The following MDGA2 variants were observed in gnomAD, a reference collection of about 807,000 sequenced individuals.
MDGA2 encodes the protein MAM domain containing glycosylphosphatidylinositol anchor 2.
MDGA2 carries 40 observed loss-of-function variants against 117.8 expected under a neutral mutation model. That is an observed-to-expected ratio of 0.34 (90% CI 0.26 to 0.44). The LOEUF (loss-of-function observed/expected upper bound fraction) is 0.44. Among genes scored for constraint, MDGA2 ranks in the 20% least tolerant of loss-of-function variants. The probability of loss-of-function intolerance (pLI) is 1.00; values close to 1 mark genes in which losing one functional copy is unlikely to be tolerated. For synonymous variants in MDGA2, 452 were observed against 439.0 expected (o/e 1.03, Z -0.37); for missense variants, 1,123 against 1,250.6 (o/e 0.90, Z 1.54).
intron 8 of MDGA2, among the ~76,000 whole-genome samples, chr14:46,973,903 ATT>A (rs35314692): frequency 1.8e-3 from 257 of 145,160 alleles, no homozygotes; most frequent in Middle Eastern, 3.5e-3. Flanking sequence ...AATTATTGTT[ATT>A]TTTTTTTTTT....
chr14:47,402,106 A>G (rs577257076), intron 1 of MDGA2, among the ~76,000 whole-genome samples: 3 of 152,278 alleles, frequency 2.0e-5, no homozygotes, highest in Non-Finnish European at 4.4e-5. Flanking sequence ...TCATTCACCA[A>G]ATTAAATTTT....
At chr14:47,441,930 A>G (rs1361122142) in intron 1 of MDGA2, among the ~76,000 whole-genome samples, 1 of 152,144 alleles carries the variant, frequency 6.6e-6, no homozygotes, top group Admixed American at 6.6e-5. Flanking sequence ...AACAGAACAA[A>G]TATTTTCCTA....
chr14:47,143,016 T>A (rs183679747), intron 4 of MDGA2, among the ~76,000 whole-genome samples: 1 of 152,202 alleles, frequency 6.6e-6, no homozygotes, highest in Non-Finnish European at 1.5e-5. Flanking sequence ...CCACAGTTAA[T>A]GTCTAAATAT....
chr14:47,354,468 T>TA (rs1566751707), intron 1 of MDGA2, among the ~76,000 whole-genome samples: 1 of 152,076 alleles, frequency 6.6e-6, no homozygotes, highest in Non-Finnish European at 1.5e-5. Flanking sequence ...CCAAACATGC[T>TA]AAAAACCCCA....
intron 1 of MDGA2, among the ~76,000 whole-genome samples, chr14:47,520,612 C>T (rs533999378): frequency 6.6e-6 from 1 of 152,198 alleles, no homozygotes; most frequent in South Asian, 2.1e-4. Flanking sequence ...AGATACAGAA[C>T]ACAGAACAGG....
chr14:46,926,955 A>G (rs1884356883), intron 9 of MDGA2, among the ~76,000 whole-genome samples: 1 of 152,164 alleles, frequency 6.6e-6, no homozygotes, highest in African/African-American at 2.4e-5. Flanking sequence ...GTGTCTTCTG[A>G]CCGGATCCTG....
At chr14:46,972,629 A>G (rs2138339083) in intron 8 of MDGA2, among the ~76,000 whole-genome samples, 1 of 152,306 alleles carries the variant, frequency 6.6e-6, no homozygotes, top group South Asian at 2.1e-4. Context: ...TTTAGATCCA[A>G]ATCCAAATCA....
In MDGA2 at chr14:46,854,925, T is replaced by C. The variant is rs536947831; in HGVS notation, c.2883+99A>G. Reference sequence around the variant, plus strand: ...TATAATTTTTGTGATGCTTATATCGTGGAATTTCTGAATATTCATATTTTA... The same window carrying C: ...TATAATTTTTGTGATGCTTATATCGCGGAATTTCTGAATATTCATATTTTA... On this transcript the variant is annotated intron_variant, in intron 15 of 16. Coordinates refer to ENST00000399232, the MANE Select transcript of MDGA2 (RefSeq NM_001113498.3). 8 of 1,129,058 alleles carry C rather than the reference T, an allele frequency of 7.1e-6. No individual in the cohort carries two copies. The East Asian group carries it at 1.3e-4, about 18-fold the overall frequency. The allele number at this position is 1,129,058 out of a possible 1,614,324, so 69.9% of individuals were successfully genotyped here.
intron 8 of MDGA2, among the ~76,000 whole-genome samples, chr14:46,972,366 T>C (rs1284454667): frequency 6.6e-6 from 1 of 152,184 alleles, no homozygotes; most frequent in African/African-American, 2.4e-5. Flanking sequence ...ATGGAAATCA[T>C]CTACTTGAGA....
At chr14:47,035,999 G>T (rs2138652017) in intron 7 of MDGA2, among the ~76,000 whole-genome samples, 1 of 152,028 alleles carries the variant, frequency 6.6e-6, no homozygotes, top group South Asian at 2.1e-4. Context: ...GTCTTGCGCG[G>T]TGGCTCACGC....
At chr14:46,845,669 AAT>A (rs1491583286) in intron 16 of MDGA2, 95 bp downstream of exon 16, 1 of 751,628 alleles carries the variant, frequency 1.3e-6, no homozygotes, top group Non-Finnish European at 2.1e-6. Context: ...ACCAACTAAA[AAT>A]AACTCCGTTT....
At chr14:47,146,307 A>G (rs190985479) in intron 3 of MDGA2, among the ~76,000 whole-genome samples, 3 of 152,328 alleles carry the variant, frequency 2.0e-5, no homozygotes, top group African/African-American at 7.2e-5. Flanking sequence ...CAACATCAGA[A>G]TATTTTCACA....
intron 1 of MDGA2, among the ~76,000 whole-genome samples, chr14:47,364,600 T>C (rs1022322851): frequency 1.3e-5 from 2 of 152,238 alleles, no homozygotes; most frequent in Non-Finnish European, 2.9e-5. Flanking sequence ...AGCTCTCCTG[T>C]TGAATGATAA....
chr14:47,415,542 G>A (rs771834125), intron 1 of MDGA2, among the ~76,000 whole-genome samples: 19 of 151,994 alleles, frequency 1.3e-4, no homozygotes, highest in Non-Finnish European at 2.2e-4. Context: ...ATCTCTTACT[G>A]TGCCTGATTT....
At chr14:47,114,955 CA>C (rs35950492) in intron 5 of MDGA2, among the ~76,000 whole-genome samples, 212 of 127,292 alleles carry the variant, frequency 1.7e-3, no homozygotes, top group Middle Eastern at 8.5e-3. Flanking sequence ...TCTGCACAGC[CA>C]AAAAAAAAAA....
intron 3 of MDGA2, among the ~76,000 whole-genome samples, chr14:47,216,529 C>T (rs1886095018): frequency 6.6e-6 from 1 of 151,932 alleles, no homozygotes; most frequent in Non-Finnish European, 1.5e-5. Flanking sequence ...AATTTTGACA[C>T]CACACTAGTT....
intron 15 of MDGA2, among the ~76,000 whole-genome samples, chr14:46,852,449 G>A (rs559638290): frequency 6.6e-6 from 1 of 151,780 alleles, no homozygotes; most frequent in African/African-American, 2.4e-5. Flanking sequence ...AAAAAAACAA[G>A]GGAAGCTGGA....
chr14:47,557,633 T>C (rs1895709388), intron 1 of MDGA2, among the ~76,000 whole-genome samples: 1 of 152,210 alleles, frequency 6.6e-6, no homozygotes, highest in Admixed American at 6.5e-5. Flanking sequence ...TTTTCACAAA[T>C]GTTATATTGC....
chr14:47,376,966 A>G (rs1891492981), intron 1 of MDGA2, among the ~76,000 whole-genome samples: 1 of 152,226 alleles, frequency 6.6e-6, no homozygotes, highest in Non-Finnish European at 1.5e-5. Flanking sequence ...TGGACTATAG[A>G]AAAAATAAAG....
Sources: allele counts gnomAD v4.1 joint callset (sites outside exome capture counted in the v4.1 genomes callset), GRCh38; gene constraint gnomAD v4.1.1; transcripts MANE v1.5; gene names NCBI Gene and HGNC (gene_info 2026-07-23, HGNC 2026-07-21).